The following PDE4D variants were observed in gnomAD, a reference collection of about 807,000 sequenced individuals.
PDE4D encodes phosphodiesterase 4D, also known as 3',5'-cyclic-AMP phosphodiesterase 4D.
A neutral mutation model predicts 87.4 loss-of-function variants in PDE4D; 24 were observed. That is an observed-to-expected ratio of 0.27 (90% CI 0.20 to 0.39). The LOEUF (loss-of-function observed/expected upper bound fraction) is 0.39. Ranked by LOEUF, PDE4D falls within the 10% of genes least tolerant of loss-of-function variation. The probability of loss-of-function intolerance (pLI) is 1.00; values close to 1 mark genes in which losing one functional copy is unlikely to be tolerated. For missense variants in PDE4D, 714 were observed against 1,041.0 expected (o/e 0.69, Z 4.32); for synonymous variants, 384 against 383.2 (o/e 1.00, Z -0.02).
intron 1 of PDE4D, among the ~76,000 whole-genome samples, chr5:60,518,876 G>A (rs186695793): frequency 2.8e-4 from 42 of 152,260 alleles, no homozygotes; most frequent in African/African-American, 9.9e-4. Context: ...GGGAAATACA[G>A]CAAAATGGCT....
intron 1 of PDE4D, among the ~76,000 whole-genome samples, chr5:60,268,552 G>A (rs919029164): frequency 6.6e-6 from 1 of 152,168 alleles, no homozygotes; most frequent in Non-Finnish European, 1.5e-5. Flanking sequence ...AAGTCTCCTG[G>A]ACAGCCTAGT....
chr5:59,520,880 CATATAT>C (rs1226909676), intron 1 of PDE4D, among the ~76,000 whole-genome samples: 1 of 116,326 alleles, frequency 8.6e-6, no homozygotes, highest in African/African-American at 5.4e-5. Flanking sequence ...CACACATATA[CATATAT>C]ACACATATAT....
chr5:59,138,507 G>A (rs1438891917), intron 5 of PDE4D, among the ~76,000 whole-genome samples: 1 of 152,056 alleles, frequency 6.6e-6, no homozygotes, highest in African/African-American at 2.4e-5. Flanking sequence ...GGCTAGTCTC[G>A]AACTCCTGAC....
chr5:59,555,487 C>A (rs896664316), intron 1 of PDE4D, among the ~76,000 whole-genome samples: 1 of 152,066 alleles, frequency 6.6e-6, no homozygotes, highest in Non-Finnish European at 1.5e-5. Context: ...ATATGTACCC[C>A]TGAACCTAAA....
chr5:59,083,652 C>T (rs1767172635), intron 5 of PDE4D, among the ~76,000 whole-genome samples: 1 of 151,874 alleles, frequency 6.6e-6, no homozygotes, highest in African/African-American at 2.4e-5. Flanking sequence ...ATATTCTCCC[C>T]CTGAATATCT....
At chr5:59,077,475 C>CTTTTTT (rs33910828) in intron 5 of PDE4D, among the ~76,000 whole-genome samples, 1 of 130,956 alleles carries the variant, frequency 7.6e-6, no homozygotes, top group African/African-American at 2.8e-5. Flanking sequence ...TTTTTTTCTT[C>CTTTTTT]TTTTTTTTTT....
At chr5:60,226,006 G>A (rs1033194203) in intron 1 of PDE4D, among the ~76,000 whole-genome samples, 1 of 152,100 alleles carries the variant, frequency 6.6e-6, no homozygotes, top group African/African-American at 2.4e-5. Context: ...ATAAGTATAT[G>A]GATATGCAGG....
chr5:60,460,427 C>T, intron 1 of PDE4D: 2 of 1,323,992 alleles, frequency 1.5e-6, no homozygotes, highest in South Asian at 1.2e-5. Context: ...AGGGCAGACA[C>T]TTGTGGATGC....
At chr5:60,314,296 A>G (rs1755330522) in intron 1 of PDE4D, among the ~76,000 whole-genome samples, 1 of 151,674 alleles carries the variant, frequency 6.6e-6, no homozygotes, top group Non-Finnish European at 1.5e-5. Context: ...CCTCCCGAGT[A>G]GCTGGGATTA....
intron 1 of PDE4D, among the ~76,000 whole-genome samples, chr5:60,361,415 T>TGGTAACTACATGAGG (rs1760055778): frequency 6.6e-6 from 1 of 152,222 alleles, no homozygotes; most frequent in Non-Finnish European, 1.5e-5. Context: ...CATGATTCAA[T>TGGTAACTACATGAGG]AAATCAATGG....
At chr5:59,815,920 A>C (rs1277685175) in intron 1 of PDE4D, among the ~76,000 whole-genome samples, 1 of 152,222 alleles carries the variant, frequency 6.6e-6, no homozygotes, top group Non-Finnish European at 1.5e-5. Context: ...TATTGTAAAA[A>C]TTGTGAATAT....
At chr5:59,468,820 T>C (rs146822888) in intron 1 of PDE4D, among the ~76,000 whole-genome samples, 1 of 152,220 alleles carries the variant, frequency 6.6e-6, no homozygotes, top group African/African-American at 2.4e-5. Flanking sequence ...AGGCCTAACT[T>C]AGAGCTTCAA....
chr5:60,247,257 C>A (rs1026229404), intron 1 of PDE4D, among the ~76,000 whole-genome samples: 2 of 151,944 alleles, frequency 1.3e-5, no homozygotes, highest in Admixed American at 6.6e-5. Flanking sequence ...GTGTTTATCC[C>A]TGGAGTTTTC....
chr5:59,300,104 T>C (rs1769910273), intron 1 of PDE4D, among the ~76,000 whole-genome samples: 1 of 89,172 alleles, frequency 1.1e-5, no homozygotes, highest in Non-Finnish European at 2.2e-5. Flanking sequence ...AGAAAAAGGG[T>C]CTGTCTCAAA....
At chr5:59,314,306 AC>A (rs745753974) in intron 1 of PDE4D, 6 of 152,288 alleles carry the variant, frequency 3.9e-5, no homozygotes, top group Non-Finnish European at 5.9e-5. Context: ...TCCTGGGGCC[AC>A]AAGGAACAGG....
intron 5 of PDE4D, among the ~76,000 whole-genome samples, chr5:59,051,879 T>C (rs1761598203): frequency 6.6e-6 from 1 of 152,214 alleles, no homozygotes; most frequent in African/African-American, 2.4e-5. Context: ...ATTTTATTTC[T>C]CTTCCTCCTG....
chr5:60,124,553 T>G (rs1216590385), intron 2 of PDE4D, among the ~76,000 whole-genome samples: 3 of 152,176 alleles, frequency 2.0e-5, no homozygotes, highest in Non-Finnish European at 4.4e-5. Flanking sequence ...ATCATCTCTT[T>G]TCTCCTCTTC....
intron 1 of PDE4D, among the ~76,000 whole-genome samples, chr5:60,339,799 T>C (rs150540914): frequency 1.3e-5 from 2 of 152,342 alleles, no homozygotes; most frequent in East Asian, 3.9e-4. Context: ...TGTGTCTTTC[T>C]ATTCCCCCTT....
intron 5 of PDE4D, among the ~76,000 whole-genome samples, chr5:59,124,587 A>C (rs1313288941): frequency 6.6e-6 from 1 of 152,188 alleles, no homozygotes; most frequent in Non-Finnish European, 1.5e-5. Context: ...ATCTATCGCT[A>C]CCTGTCAATT....
Sources: allele counts gnomAD v4.1 joint callset (sites outside exome capture counted in the v4.1 genomes callset), GRCh38; gene constraint gnomAD v4.1.1; transcripts MANE v1.5; gene names NCBI Gene and HGNC (gene_info 2026-07-23, HGNC 2026-07-21).